Variants in MELK observed in about 807,000 individuals in gnomAD.
The protein encoded by MELK is maternal embryonic leucine zipper kinase.
A neutral mutation model predicts 85.0 loss-of-function variants in MELK; 81 were observed. The ratio of observed to expected loss-of-function variants is 0.95; its 90% CI spans 0.80 to 1.15. The LOEUF (loss-of-function observed/expected upper bound fraction) is 1.15, where lower values mean the gene tolerates loss of function less well. Among genes scored for constraint, MELK ranks in the 50% most tolerant of loss-of-function variants. The pLI, the probability that MELK is intolerant of heterozygous loss-of-function variation, is 0.00. For synonymous variants in MELK, 252 were observed against 265.0 expected (o/e 0.95, Z 0.48); for missense variants, 754 against 777.5 (o/e 0.97, Z 0.36).
chr9:36,651,031 G>A (rs1830653230), intron 11 of MELK, among the ~76,000 whole-genome samples: 2 of 152,220 alleles, frequency 1.3e-5, no homozygotes, highest in South Asian at 4.1e-4. Context: ...TAGCTGCAGA[G>A]CTGATATTCG....
At chr9:36,590,551 C>T (rs1416803063) in intron 4 of MELK, among the ~76,000 whole-genome samples, 1 of 152,132 alleles carries the variant, frequency 6.6e-6, no homozygotes, top group East Asian at 1.9e-4. Flanking sequence ...TAAAAGGACC[C>T]AAGGTTTAGG....
chr9:36,620,809 A>G (rs1827328810), intron 8 of MELK, among the ~76,000 whole-genome samples: 1 of 151,564 alleles, frequency 6.6e-6, no homozygotes, highest in Non-Finnish European at 1.5e-5. Flanking sequence ...TTGGCCTCCT[A>G]AAGTGCTGGG....
Position 36,583,721 on chromosome 9 carries a change from A to G in MELK, c.144+9A>G. On this transcript the variant is annotated intron_variant, in intron 3 of 17. Coordinates refer to ENST00000298048, the MANE Select transcript of MELK (RefSeq NM_014791.4). Reference sequence around the variant, plus strand: ...ATAAAAACACACTAGGGGTAAGTTTAGATTTATTTAAAAAATAGTCCACTT... The same window carrying G: ...ATAAAAACACACTAGGGGTAAGTTTGGATTTATTTAAAAAATAGTCCACTT... The G allele has an allele frequency of 6.3e-7, 1 of 1,577,914 alleles. No individual in the cohort carries two copies. The highest frequency in any genetic ancestry group is 8.7e-7 in the Non-Finnish European group (1 of 1,149,424).
intron 16 of MELK, among the ~76,000 whole-genome samples, chr9:36,673,930 T>C (rs1222737939): frequency 6.6e-6 from 1 of 152,222 alleles, no homozygotes; most frequent in Non-Finnish European, 1.5e-5. Flanking sequence ...TTTATCCATG[T>C]GCCACCCAGA....
At chr9:36,578,337 A>G (rs1459333876) in intron 1 of MELK, among the ~76,000 whole-genome samples, 1 of 151,794 alleles carries the variant, frequency 6.6e-6, no homozygotes, top group African/African-American at 2.4e-5. Flanking sequence ...GCCTCAGTTC[A>G]GTACCTGTCA....
In MELK at chr9:36,596,402, CCT is replaced by C. The variant is rs1824243246; in HGVS notation, c.406-819_406-818del. 4.0e-5 allele frequency among the ~76,000 whole-genome samples: 6 copies of C among 151,474 alleles called. No individual in the cohort carries two copies. In the Admixed American group the frequency reaches 4.0e-4, roughly 10 times the overall value. Reference sequence around the variant, plus strand: ...TCCTGAGTAGCTGGGACTACAGGCGCCTGCCACCACGCCCGGCTAATTTTTTT... The same window carrying C: ...TCCTGAGTAGCTGGGACTACAGGCGCGCCACCACGCCCGGCTAATTTTTTT... On this transcript the variant is annotated intron_variant, in intron 5 of 17. Coordinates refer to ENST00000298048, the MANE Select transcript of MELK (RefSeq NM_014791.4).
intron 17 of MELK, 103 bp downstream of exon 17, chr9:36,675,040 C>T: frequency 1.4e-6 from 1 of 720,668 alleles, no homozygotes; most frequent in Non-Finnish European, 2.3e-6. Flanking sequence ...AATCCCAGCA[C>T]TTTGGGAGGC....
intron 15 of MELK, among the ~76,000 whole-genome samples, chr9:36,670,541 C>T (rs577412326): frequency 4.6e-5 from 7 of 151,344 alleles, no homozygotes; most frequent in South Asian, 2.1e-4. Flanking sequence ...GTATTATCTA[C>T]ATACATTAAA....
intron 13 of MELK, 95 bp downstream of exon 13, chr9:36,657,458 A>G: frequency 7.4e-7 from 1 of 1,349,100 alleles, no homozygotes. Flanking sequence ...TTGCAAATTT[A>G]ATGAATGCTT....
At chr9:36,606,177 G>GTCTC (rs556188679) in intron 7 of MELK, among the ~76,000 whole-genome samples, 11 of 149,736 alleles carry the variant, frequency 7.3e-5, no homozygotes, top group South Asian at 2.1e-4. Context: ...AATTTCTAGT[G>GTCTC]TCTCTCTCTC....
chr9:36,578,434 A>C lies in MELK; in HGVS notation c.-38-3210A>C, dbSNP rs539733736. 2.0e-4 allele frequency among the ~76,000 whole-genome samples: 30 copies of C among 152,292 alleles called. No individual in the cohort carries two copies. In the South Asian group the frequency reaches 4.3e-3, roughly 22 times the overall value. ...ATTTCTTTGTGGGCTATGACTGTTA[A>C]GGCCTACAGACCAAAGACCACATCT... On this transcript the variant is annotated intron_variant, in intron 1 of 17. Coordinates refer to ENST00000298048, the MANE Select transcript of MELK (RefSeq NM_014791.4).
chr9:36,581,361 A>G (rs1001010149), intron 1 of MELK, among the ~76,000 whole-genome samples: 2 of 151,766 alleles, frequency 1.3e-5, no homozygotes, highest in Non-Finnish European at 2.9e-5. Context: ...AATTTTTTTC[A>G]TTATTATTAT....
At chr9:36,645,865 C>G (rs902905140) in intron 11 of MELK, among the ~76,000 whole-genome samples, 1 of 152,134 alleles carries the variant, frequency 6.6e-6, no homozygotes, top group Non-Finnish European at 1.5e-5. Flanking sequence ...TTTTTAGCCG[C>G]GAAGACTCTC....
Position 36,665,399 on chromosome 9 carries a change from C to A in MELK, c.1226C>A (p.Thr409Asn). 6.2e-7 allele frequency: 1 copy of A among 1,613,552 alleles called. No individual in the cohort carries two copies. Among genetic ancestry groups the A allele is most frequent in the Non-Finnish European group, 8.5e-7 (1 of 1,179,724 alleles). The stretch of plus-strand genomic sequence containing the variant: ...AATGGGGTGGAATCTAAATCATTAA[C>A]TCCAGCCTTATGCAGAACACCTGCA... ...ESNGVESKSLTPALCRTPANK... is the reference protein window; with the variant it reads ...ESNGVESKSLNPALCRTPANK... The change falls in exon 14 of 18, where the codon ACT (threonine) becomes AAT (asparagine). Residue 409 changes from threonine to asparagine, a missense_variant. By Grantham distance (65) the Thr-to-Asn change is moderately conservative (BLOSUM62 0). Coordinates refer to ENST00000298048, the MANE Select transcript of MELK (RefSeq NM_014791.4).
At chr9:36,651,974 G>T in intron 12 of MELK, 97 bp downstream of exon 12, 1 of 1,168,558 alleles carries the variant, frequency 8.6e-7, no homozygotes. Context: ...CAAGGAGTCA[G>T]AGGCAAGATG....
intron 4 of MELK, among the ~76,000 whole-genome samples, chr9:36,593,697 T>C (rs577678767): frequency 1.6e-3 from 243 of 152,278 alleles, no homozygotes; most frequent in African/African-American, 5.5e-3. Flanking sequence ...GTTGCTGTTG[T>C]TGTTTGTTTT....
chr9:36,631,822 T>A (rs578101674), intron 9 of MELK, among the ~76,000 whole-genome samples: 16 of 152,054 alleles, frequency 1.1e-4, no homozygotes, highest in Non-Finnish European at 1.0e-4. Context: ...TTATAATTAC[T>A]TTCAGCAAAC....
chr9:36,677,188 G>A lies in MELK; in HGVS notation c.1807G>A (p.Asp603Asn), dbSNP rs771154763. The change falls in exon 18 of 18, where the codon GAT becomes AAT. Residue 603 changes from aspartate to asparagine, a missense_variant. Physicochemically the swap from Asp to Asn is conservative, Grantham distance 23 (BLOSUM62 1). Transcript: ENST00000298048. ...TACACTGAAGTGTCAAACACAGTCA[G>A]ATTTTGGGAAAGTGACAATGCAATT... ...GYTLKCQTQS[D>N]FGKVTMQFEL... 16 of 1,613,888 alleles carry A rather than the reference G, an allele frequency of 9.9e-6. No individual in the cohort carries two copies. In the East Asian group the frequency reaches 3.6e-4, roughly 36 times the overall value.
At chr9:36,666,904 T>TGTGTGA (rs1832423948) in intron 14 of MELK, among the ~76,000 whole-genome samples, 1 of 125,798 alleles carries the variant, frequency 7.9e-6, no homozygotes, top group South Asian at 2.7e-4. Context: ...TGTGTGTGTG[T>TGTGTGA]GTGATGGTGT....
Sources: gnomAD v4.1 joint callset for allele counts (sites outside exome capture counted in the v4.1 genomes callset) on GRCh38, gnomAD v4.1.1 for gene constraint, MANE v1.5 for transcripts, NCBI Gene and HGNC (gene_info 2026-07-23, HGNC 2026-07-21) for gene names.